NRXN1: variants seen among roughly 807,000 people sequenced by gnomAD.
NRXN1 encodes the protein neurexin-1.
A neutral mutation model predicts 150.9 loss-of-function variants in NRXN1; 39 were observed. The observed-to-expected ratio is 0.26, with a 90% CI of 0.20 to 0.34. NRXN1 has a LOEUF of 0.34. Among genes scored for constraint, NRXN1 ranks in the 10% least tolerant of loss-of-function variants. NRXN1 has a pLI of 1.00. For missense variants in NRXN1, 1,815 were observed against 1,949.9 expected (o/e 0.93, Z 1.30); for synonymous variants, 924 against 757.0 (o/e 1.22, Z -3.62).
chr2:50,055,188 G>T (rs1693410966), intron 19 of NRXN1, 144 bp from the exon 20 acceptor site: 1 of 551,434 alleles, frequency 1.8e-6, no homozygotes, highest in Non-Finnish European at 3.2e-6. Flanking sequence ...AACATTTCAT[G>T]TTTCAGACTT....
chr2:50,113,033 C>A (rs917995728), intron 18 of NRXN1, among the ~76,000 whole-genome samples: 3 of 152,122 alleles, frequency 2.0e-5, no homozygotes, highest in Admixed American at 2.0e-4. Context: ...CCTACCTTCC[C>A]TTTGATGCCA....
intron 12 of NRXN1, 44 bp from the exon 13 acceptor site, chr2:50,506,661 T>A (rs763394961): frequency 6.3e-7 from 1 of 1,597,960 alleles, no homozygotes; most frequent in East Asian, 2.3e-5. Context: ...TCAGAATCAG[T>A]CAAGCAAATG....
chr2:50,353,976 T>C (rs1442441970), intron 17 of NRXN1, among the ~76,000 whole-genome samples: 1 of 152,178 alleles, frequency 6.6e-6, no homozygotes, highest in Non-Finnish European at 1.5e-5. Context: ...CTGAAGCTGC[T>C]AGTCCAGGGG....
intron 18 of NRXN1, among the ~76,000 whole-genome samples, chr2:50,197,086 G>T (rs1041640872): frequency 1.3e-5 from 2 of 152,000 alleles, no homozygotes; most frequent in Admixed American, 6.6e-5. Context: ...ATCAAATGTT[G>T]GGATAATATG....
At chr2:50,377,610 G>A (rs2080616225) in intron 17 of NRXN1, among the ~76,000 whole-genome samples, 1 of 152,118 alleles carries the variant, frequency 6.6e-6, no homozygotes, top group South Asian at 2.1e-4. Context: ...AACGCTGAAT[G>A]GTTTCAAAAG....
chr2:50,282,493 A>C (rs1915237), intron 17 of NRXN1, among the ~76,000 whole-genome samples: 127,786 of 152,032 alleles, frequency 0.84, 53,924 homozygotes, highest in African/African-American at 0.9. Flanking sequence ...TATGGAGGGA[A>C]CACTTCTCGT....
intron 17 of NRXN1, among the ~76,000 whole-genome samples, chr2:50,411,546 C>A (rs1195790602): frequency 3.3e-5 from 5 of 151,678 alleles, no homozygotes; most frequent in African/African-American, 1.2e-4. Flanking sequence ...GTGAAGAGCG[C>A]CTCTGCCCGG....
intron 19 of NRXN1, among the ~76,000 whole-genome samples, chr2:50,079,556 G>C (rs1697626314): frequency 6.6e-6 from 1 of 151,878 alleles, no homozygotes; most frequent in African/African-American, 2.4e-5. Flanking sequence ...GTATTTAATT[G>C]TTATATCTGA....
At chr2:50,093,356 G>A (rs1479615195) in intron 18 of NRXN1, among the ~76,000 whole-genome samples, 1 of 151,496 alleles carries the variant, frequency 6.6e-6, no homozygotes, top group African/African-American at 2.4e-5. Flanking sequence ...TGGCACACAT[G>A]TATAATCCCA....
intron 5 of NRXN1, among the ~76,000 whole-genome samples, chr2:50,753,643 G>A (rs1056031190): frequency 6.6e-6 from 1 of 151,750 alleles, no homozygotes; most frequent in African/African-American, 2.4e-5. Context: ...CTCCCCTGAA[G>A]TTGATACAAG....
intron 18 of NRXN1, among the ~76,000 whole-genome samples, chr2:50,235,445 G>A (rs1369069840): frequency 2.0e-5 from 3 of 152,050 alleles, no homozygotes; most frequent in East Asian, 1.9e-4. Context: ...GTTTTGTTGT[G>A]TTTTTCAAGC....
chr2:50,595,425 A>AG (rs1201427409), intron 8 of NRXN1, among the ~76,000 whole-genome samples: 9 of 142,588 alleles, frequency 6.3e-5, no homozygotes, highest in African/African-American at 2.2e-4. Context: ...AAAAAAAGGA[A>AG]AAAAAAAAAA....
intron 17 of NRXN1, among the ~76,000 whole-genome samples, chr2:50,411,454 T>C (rs1419614167): frequency 1.3e-5 from 2 of 151,966 alleles, no homozygotes; most frequent in South Asian, 2.1e-4. Context: ...CCACCCCGTC[T>C]AGGAAGTGAG....
chr2:50,979,921 T>A (rs554372188), intron 2 of NRXN1, among the ~76,000 whole-genome samples: 21 of 152,256 alleles, frequency 1.4e-4, no homozygotes, highest in African/African-American at 3.8e-4. Context: ...GTCCCATGAT[T>A]AGAAGCCAAC....
chr2:49,995,889 A>G (rs1682906363), intron 21 of NRXN1, among the ~76,000 whole-genome samples: 1 of 145,248 alleles, frequency 6.9e-6, no homozygotes, highest in Admixed American at 6.8e-5. Context: ...AAAAAGAAAA[A>G]AGGATTTAGA....
At chr2:50,088,666 A>C (rs1016860843) in intron 19 of NRXN1, among the ~76,000 whole-genome samples, 1 of 152,188 alleles carries the variant, frequency 6.6e-6, no homozygotes, top group African/African-American at 2.4e-5. Context: ...CATCTTTTAC[A>C]TTGTGTTTCT....
At chr2:50,889,231 A>C (rs985280257) in intron 5 of NRXN1, among the ~76,000 whole-genome samples, 7 of 151,668 alleles carry the variant, frequency 4.6e-5, no homozygotes, top group Admixed American at 4.6e-4. Context: ...GCTTATATCA[A>C]ATGTGCCCTC....
intron 5 of NRXN1, among the ~76,000 whole-genome samples, chr2:50,915,643 A>G (rs1685116627): frequency 6.6e-6 from 1 of 151,572 alleles, no homozygotes; most frequent in Non-Finnish European, 1.5e-5. Flanking sequence ...AGACAATGCC[A>G]GAATCATAAA....
At chr2:49,924,938 T>G (rs922948867) in intron 22 of NRXN1, among the ~76,000 whole-genome samples, 1 of 152,188 alleles carries the variant, frequency 6.6e-6, no homozygotes, top group Non-Finnish European at 1.5e-5. Context: ...TTTTTCTATT[T>G]ATGCTTCAAA....
Sources: allele counts gnomAD v4.1 joint callset (sites outside exome capture counted in the v4.1 genomes callset), GRCh38; gene constraint gnomAD v4.1.1; transcripts MANE v1.5; gene names NCBI Gene and HGNC (gene_info 2026-07-23, HGNC 2026-07-21).